GRIK4: variants seen among roughly 807,000 people sequenced by gnomAD.
GRIK4 encodes glutamate ionotropic receptor kainate type subunit 4.
In GRIK4, 40 loss-of-function variants were observed where a neutral mutation model predicts 104.9. The observed-to-expected ratio is 0.38, with a 90% confidence interval of 0.30 to 0.50. The LOEUF (loss-of-function observed/expected upper bound fraction) is 0.50. Among genes scored for constraint, GRIK4 ranks in the 20% least tolerant of loss-of-function variants. GRIK4 has a pLI of 0.93. For synonymous variants in GRIK4, 485 were observed against 524.9 expected (o/e 0.92, Z 1.04); for missense variants, 1,047 against 1,308.1 (o/e 0.80, Z 3.08).
chr11:120,652,735 G>T (rs1171481868), intron 1 of GRIK4, among the ~76,000 whole-genome samples: 1 of 152,152 alleles, frequency 6.6e-6, no homozygotes, highest in African/African-American at 2.4e-5. Context: ...GCCCCACAGA[G>T]ACTGGTGGCT....
At chr11:120,596,445 G>A (rs1948802268) in intron 1 of GRIK4, among the ~76,000 whole-genome samples, 1 of 152,216 alleles carries the variant, frequency 6.6e-6, no homozygotes, top group Non-Finnish European at 1.5e-5. Flanking sequence ...AAGATGGGGT[G>A]TTAGGGAGCG....
chr11:120,753,955 T>C (rs576581583), intron 3 of GRIK4, among the ~76,000 whole-genome samples: 1 of 152,316 alleles, frequency 6.6e-6, no homozygotes, highest in South Asian at 2.1e-4. Context: ...GAGCTATCAC[T>C]CCTCATTGTC....
chr11:120,637,577 C>G (rs930176518), intron 1 of GRIK4, among the ~76,000 whole-genome samples: 2 of 152,186 alleles, frequency 1.3e-5, no homozygotes, highest in Admixed American at 6.5e-5. Context: ...CAGATTCCAG[C>G]AACAGCGAGC....
Position 120,902,900 on chromosome 11 carries a change from G to A in GRIK4, c.1273-2390G>A, listed in dbSNP as rs1432524625. 3.9e-5 allele frequency among the ~76,000 whole-genome samples: 6 copies of A among 152,114 alleles called. No homozygotes were observed. The highest frequency in any genetic ancestry group is 2.1e-4 in the South Asian group (1 of 4,820). ...GGCTGACCGTTCCTATCTCATTGAC[G>A]TGACAGTGGACTCATCCAGAATCAG... On this transcript the variant is annotated intron_variant, in intron 12 of 20. Transcript: ENST00000527524. The surrounding 1 kb of genome is among the most constrained non-coding windows in gnomAD (Gnocchi z 4.5).
chr11:120,541,637 T>C (rs370379536), intron 1 of GRIK4, among the ~76,000 whole-genome samples: 1 of 152,032 alleles, frequency 6.6e-6, no homozygotes, highest in Admixed American at 6.6e-5. Flanking sequence ...GGACTACAGG[T>C]GTGCCATCAC....
chr11:120,963,120 G>A (rs192053627), intron 18 of GRIK4: 66 of 157,032 alleles, frequency 4.2e-4, no homozygotes, highest in Non-Finnish European at 6.0e-4. Flanking sequence ...ATTTGTTAGC[G>A]TTGCCAGTGA....
intron 3 of GRIK4, among the ~76,000 whole-genome samples, chr11:120,744,872 A>G (rs186140230): frequency 1.3e-5 from 2 of 152,344 alleles, no homozygotes; most frequent in East Asian, 3.9e-4. Context: ...ATATATCAAA[A>G]TGTGAGGTTT....
At chr11:120,560,565 G>A (rs1249103981) in intron 1 of GRIK4, among the ~76,000 whole-genome samples, 1 of 152,182 alleles carries the variant, frequency 6.6e-6, no homozygotes, top group East Asian at 1.9e-4. Context: ...ACAAGTCTGG[G>A]AAGAAAGAGT....
intron 3 of GRIK4, among the ~76,000 whole-genome samples, chr11:120,733,854 C>T (rs1025742487): frequency 6.6e-6 from 1 of 151,846 alleles, no homozygotes; most frequent in Admixed American, 6.6e-5. Context: ...TCTCCTGCCT[C>T]AGCCTCCTGA....
chr11:120,775,205 G>A (rs1317459860), intron 3 of GRIK4, among the ~76,000 whole-genome samples: 1 of 152,204 alleles, frequency 6.6e-6, no homozygotes, highest in Non-Finnish European at 1.5e-5. Flanking sequence ...TGGTCTGCTG[G>A]CAAGCCCAGA....
chr11:120,595,846 TTTA>T (rs1948794502), intron 1 of GRIK4, among the ~76,000 whole-genome samples: 1 of 152,142 alleles, frequency 6.6e-6, no homozygotes, highest in East Asian at 1.9e-4. Context: ...TGCTTTTGTA[TTTA>T]TTATTTCTAT....
intron 3 of GRIK4, among the ~76,000 whole-genome samples, chr11:120,717,886 G>A (rs547852099): frequency 6.6e-6 from 1 of 152,296 alleles, no homozygotes; most frequent in Admixed American, 6.5e-5. Context: ...AGCAGCTGGG[G>A]GATGGGGAGA....
At chr11:120,714,002 C>T (rs986904724) in intron 3 of GRIK4, among the ~76,000 whole-genome samples, 1 of 152,194 alleles carries the variant, frequency 6.6e-6, no homozygotes, top group Non-Finnish European at 1.5e-5. Flanking sequence ...CAGCATTATT[C>T]ACAGGATTTC....
chr11:120,836,835 C>T lies in GRIK4; in HGVS notation c.735C>T (p.Phe245=), dbSNP rs145589190. 3.8e-6 allele frequency: 6 copies of T among 1,583,136 alleles called. No individual in the cohort carries two copies. The African/African-American group carries it at 8.1e-5, about 21-fold the overall frequency. The part of the protein sequence containing the change: ...GMVSAYYTYI[F]TNLEFSLQRM... Reference sequence around the variant, plus strand: ...TGTCAGCCTATTACACATACATCTTCACTAATCTGGTAAGATGTTCTCACA... The same window carrying T: ...TGTCAGCCTATTACACATACATCTTTACTAATCTGGTAAGATGTTCTCACA... Residue 245 remains phenylalanine (F), a synonymous_variant, in exon 8 of 21, where the codon TTC becomes TTT. Coordinates refer to ENST00000527524, the MANE Select transcript of GRIK4 (RefSeq NM_014619.5).
chr11:120,698,334 C>T (rs1950491128), intron 3 of GRIK4, among the ~76,000 whole-genome samples: 1 of 152,196 alleles, frequency 6.6e-6, no homozygotes, highest in South Asian at 2.1e-4. Flanking sequence ...TCCACAGGGT[C>T]CCTGTTAAGA....
intron 3 of GRIK4, among the ~76,000 whole-genome samples, chr11:120,672,161 T>C (rs1565286880): frequency 6.6e-6 from 1 of 152,172 alleles, no homozygotes; most frequent in Non-Finnish European, 1.5e-5. Flanking sequence ...CTCACGCCTG[T>C]AATCCCAGCA....
At chr11:120,918,872 C>T (rs1592079809) in intron 13 of GRIK4, among the ~76,000 whole-genome samples, 1 of 152,192 alleles carries the variant, frequency 6.6e-6, no homozygotes. Context: ...TTATTGAATA[C>T]CTACTACCTG....
At chr11:120,831,740 G>T in intron 6 of GRIK4, 112 bp from the exon 7 acceptor site, 2 of 739,076 alleles carry the variant, frequency 2.7e-6, no homozygotes, top group South Asian at 1.8e-5. Context: ...AGTGGGGCCA[G>T]ACCCCCCGAC....
In GRIK4 at chr11:120,540,398, A is replaced by G. The variant is rs549068885; in HGVS notation, c.-159+28511A>G. 2.0e-5 allele frequency among the ~76,000 whole-genome samples: 3 copies of G among 152,140 alleles called. No individual in the cohort carries two copies. In the East Asian group the frequency reaches 5.8e-4, roughly 30 times the overall value. On this transcript the variant is annotated intron_variant, in intron 1 of 20. Coordinates refer to ENST00000527524, the MANE Select transcript of GRIK4 (RefSeq NM_014619.5). ...CACTTTGGGAGGCTGAGGGGGGCGA[A>G]TCACTTGAGGTCAGGAGTTCGAGAC... is the stretch of plus-strand genomic sequence containing the variant.
Sources: gnomAD v4.1 joint callset for allele counts (sites outside exome capture counted in the v4.1 genomes callset) on GRCh38, gnomAD v4.1.1 for gene constraint, Gnocchi (gnomAD v3.1) non-coding constraint, MANE v1.5 for transcripts, NCBI Gene and HGNC (gene_info 2026-07-23, HGNC 2026-07-21) for gene names.